Variants in MAGI3 observed in about 807,000 individuals in gnomAD.
The protein encoded by MAGI3 is membrane associated guanylate kinase, WW and PDZ domain containing 3, also known as membrane-associated guanylate kinase, WW and PDZ domain-containing protein 3.
A neutral mutation model predicts 121.8 loss-of-function variants in MAGI3; 43 were observed. The observed-to-expected ratio is 0.35, with a 90% confidence interval of 0.28 to 0.46. MAGI3 has a LOEUF of 0.46. Ranked by LOEUF, MAGI3 falls within the 20% of genes least tolerant of loss-of-function variation. The probability of loss-of-function intolerance (pLI) is 1.00; values close to 1 mark genes in which losing one functional copy is unlikely to be tolerated. For missense variants in MAGI3, 1,547 were observed against 1,797.3 expected (o/e 0.86, Z 2.52); for synonymous variants, 553 against 639.3 (o/e 0.86, Z 2.04).
At position 113,426,028 on chromosome 1, in the gene MAGI3, A is replaced by C. The variant is rs182844424; in HGVS notation, c.316+34679A>C. Among the ~76,000 whole-genome samples, 396 of 152,238 alleles carry C rather than the reference A, an allele frequency of 2.6e-3. 2 individuals carry two copies. The highest frequency in any genetic ancestry group is 9.1e-3 in the African/African-American group (380 of 41,550). On this transcript the variant is annotated intron_variant, in intron 1 of 20. Transcript: ENST00000307546. ...GAAACCTCTTCTTGTTTCTACTATA[A>C]ATTTTTAATGCTATAAATTTTCCTG...
chr1:113,643,931 C>T (rs528508394), intron 11 of MAGI3, among the ~76,000 whole-genome samples, 157 bp downstream of exon 11: 2 of 152,084 alleles, frequency 1.3e-5, no homozygotes, highest in Non-Finnish European at 2.9e-5. Flanking sequence ...ACTAGGGAAG[C>T]GTTTGAAAAA....
At chr1:113,581,354 T>TACCC (rs1181850480) in intron 3 of MAGI3, among the ~76,000 whole-genome samples, 7 of 152,168 alleles carry the variant, frequency 4.6e-5, no homozygotes, top group Admixed American at 2.6e-4. Flanking sequence ...CTTCAGTGCC[T>TACCC]AAAGATAGTG....
Position 113,487,113 on chromosome 1 carries a change from T to G in MAGI3, c.317-62402T>G, listed in dbSNP as rs1557783390. ...ATAATTTAACAGATATTTAAACTAT[T>G]AAATATGTAACATTGTATTGGGTGC... On this transcript the variant is annotated intron_variant, in intron 1 of 20. Coordinates refer to ENST00000307546, the MANE Select transcript of MAGI3 (RefSeq NM_001142782.2). 2.0e-5 allele frequency among the ~76,000 whole-genome samples: 3 copies of G among 152,230 alleles called. No homozygotes were observed. The South Asian group carries it at 6.2e-4, about 31-fold the overall frequency.
At chr1:113,677,140 G>C (rs1224137794) in intron 19 of MAGI3, among the ~76,000 whole-genome samples, 1 of 152,082 alleles carries the variant, frequency 6.6e-6, no homozygotes, top group African/African-American at 2.4e-5. Context: ...TTAGAGAGGA[G>C]AGAGAAAAAA....
At chr1:113,553,096 C>T (rs1394201734) in intron 2 of MAGI3, among the ~76,000 whole-genome samples, 1 of 152,162 alleles carries the variant, frequency 6.6e-6, no homozygotes, top group Non-Finnish European at 1.5e-5. Context: ...GAGGGCACTT[C>T]TATTATTGTC....
chr1:113,415,262 A>G (rs187330484), intron 1 of MAGI3, among the ~76,000 whole-genome samples: 2 of 152,192 alleles, frequency 1.3e-5, no homozygotes, highest in East Asian at 1.9e-4. Flanking sequence ...AAAGGAAAGT[A>G]GGAATGTTGG....
intron 2 of MAGI3, among the ~76,000 whole-genome samples, chr1:113,569,557 A>G (rs899166941): frequency 3.3e-5 from 5 of 152,308 alleles, no homozygotes; most frequent in South Asian, 4.1e-4. Flanking sequence ...TATTTTCTTC[A>G]TAATCTCTCT....
intron 3 of MAGI3, 31 bp downstream of exon 3, chr1:113,580,692 A>C (rs959720244): frequency 1.3e-6 from 2 of 1,551,160 alleles, no homozygotes; most frequent in Non-Finnish European, 8.7e-7. Flanking sequence ...ACTACCACCC[A>C]AAAAACTATC....
chr1:113,639,349 C>G (rs376074903), intron 9 of MAGI3, among the ~76,000 whole-genome samples: 32 of 152,318 alleles, frequency 2.1e-4, no homozygotes, highest in African/African-American at 7.7e-4. Context: ...AACTGTAGAC[C>G]GGAGCTGTTC....
chr1:113,629,748 CT>C (rs1651483247), intron 9 of MAGI3, among the ~76,000 whole-genome samples: 1 of 69,238 alleles, frequency 1.4e-5, no homozygotes, highest in African/African-American at 4.7e-5. Context: ...CTCTCTCTCT[CT>C]CTCTCTCTCT....
intron 7 of MAGI3, among the ~76,000 whole-genome samples, chr1:113,617,973 C>A (rs1007581793): frequency 6.6e-6 from 1 of 152,138 alleles, no homozygotes; most frequent in African/African-American, 2.4e-5. Context: ...TAAGTAACTA[C>A]GTCTGTTGTG....
chr1:113,613,767 C>G (rs533289620), intron 6 of MAGI3, among the ~76,000 whole-genome samples: 1 of 152,256 alleles, frequency 6.6e-6, no homozygotes, highest in African/African-American at 2.4e-5. Flanking sequence ...ACATTCTTCC[C>G]AACTTATCCA....
intron 2 of MAGI3, among the ~76,000 whole-genome samples, chr1:113,555,027 T>C (rs1379668690): frequency 6.6e-6 from 1 of 151,310 alleles, no homozygotes; most frequent in East Asian, 1.9e-4. Flanking sequence ...AAAAGATAAA[T>C]TACATGCAAG....
chr1:113,554,397 A>G (rs946442933), intron 2 of MAGI3, among the ~76,000 whole-genome samples: 2 of 152,152 alleles, frequency 1.3e-5, no homozygotes, highest in East Asian at 1.9e-4. Context: ...ACACGTAGCA[A>G]TATAAACTAA....
At chr1:113,578,579 C>T (rs567784648) in intron 2 of MAGI3, among the ~76,000 whole-genome samples, 18 of 152,064 alleles carry the variant, frequency 1.2e-4, no homozygotes, top group Non-Finnish European at 2.9e-5. Flanking sequence ...CATCACTATA[C>T]CTGGCTAATT....
At chr1:113,421,138 T>C (rs937947395) in intron 1 of MAGI3, among the ~76,000 whole-genome samples, 35 of 152,156 alleles carry the variant, frequency 2.3e-4, no homozygotes, top group African/African-American at 7.5e-4. Flanking sequence ...CTTTTTTCCC[T>C]GAGGCTGTTG....
At chr1:113,595,723 A>G (rs1648958267) in intron 6 of MAGI3, among the ~76,000 whole-genome samples, 1 of 152,230 alleles carries the variant, frequency 6.6e-6, no homozygotes, top group Non-Finnish European at 1.5e-5. Flanking sequence ...ACAAAACATA[A>G]TTGAAAGACA....
intron 19 of MAGI3, among the ~76,000 whole-genome samples, chr1:113,673,724 A>G (rs1647699516): frequency 1.3e-5 from 2 of 152,222 alleles, no homozygotes; most frequent in Admixed American, 1.3e-4. Flanking sequence ...CAATAAGAAA[A>G]TTCATTTCTT....
intron 6 of MAGI3, among the ~76,000 whole-genome samples, chr1:113,603,470 T>C (rs1287636216): frequency 1.3e-5 from 2 of 152,110 alleles, no homozygotes; most frequent in Non-Finnish European, 2.9e-5. Context: ...TTCCAAAAGA[T>C]TGAGAAAGAG....
Sources: gnomAD v4.1 joint callset for allele counts (sites outside exome capture counted in the v4.1 genomes callset) on GRCh38, gnomAD v4.1.1 for gene constraint, MANE v1.5 for transcripts, NCBI Gene and HGNC (gene_info 2026-07-23, HGNC 2026-07-21) for gene names.